Variants in ZDHHC13 observed in about 807,000 individuals in gnomAD.
ZDHHC13 encodes the protein palmitoyltransferase ZDHHC13.
ZDHHC13 carries 85 observed loss-of-function variants against 86.0 expected under a neutral mutation model. That is an observed-to-expected ratio of 0.99 (90% CI 0.83 to 1.18). The LOEUF is 1.18. Ranked by LOEUF, ZDHHC13 falls within the 50% of genes most tolerant of loss-of-function variation. The pLI, the probability that ZDHHC13 is intolerant of heterozygous loss-of-function variation, is 0.00. For missense variants in ZDHHC13, 711 were observed against 730.2 expected (o/e 0.97, Z 0.30); for synonymous variants, 263 against 246.4 (o/e 1.07, Z -0.63).
rs552448985 is a variant in ZDHHC13, at chr11:19,173,919, G to A, written c.1730+1099G>A. Among the ~76,000 whole-genome samples the A allele has an allele frequency of 8.5e-5, 13 of 152,276 alleles. No individual in the cohort carries two copies. In the East Asian group the frequency reaches 2.3e-3, roughly 27 times the overall value. On this transcript the variant is annotated intron_variant, in intron 16 of 16. Transcript: ENST00000446113. ...GGGACACATGAGAGCACTAGAGCAC[G>A]TTTGCTGAATGATGGCAGCATCAAC... is the stretch of plus-strand genomic sequence containing the variant.
In ZDHHC13 at chr11:19,158,562, A is replaced by C. The variant is rs1313302842; in HGVS notation, c.1008-378A>C. 2.0e-5 allele frequency among the ~76,000 whole-genome samples: 3 copies of C among 152,200 alleles called. No homozygotes were observed. The East Asian group carries it at 5.8e-4, about 29-fold the overall frequency. ...TGTAAAGGTGAATCTCAAGTATATA[A>C]ATTTTTGCATTATAGTGTATTTAAA... is the stretch of plus-strand genomic sequence containing the variant. On this transcript the variant is annotated intron_variant, in intron 9 of 16. Transcript: ENST00000446113.
chr11:19,142,813 C>T (rs1315240239), intron 1 of ZDHHC13, among the ~76,000 whole-genome samples, 165 bp from the exon 2 acceptor site: 1 of 151,854 alleles, frequency 6.6e-6, no homozygotes. Context: ...CAGCTTACTA[C>T]AACCTCCGCC....
intron 6 of ZDHHC13, among the ~76,000 whole-genome samples, chr11:19,151,362 T>TA (rs1376675372): frequency 2.0e-5 from 3 of 152,022 alleles, no homozygotes; most frequent in African/African-American, 4.8e-5. Flanking sequence ...GGCAGATACT[T>TA]ACGACAGTTC....
chr11:19,157,653 C>T (rs1174278482), intron 9 of ZDHHC13, among the ~76,000 whole-genome samples: 1 of 152,168 alleles, frequency 6.6e-6, no homozygotes, highest in African/African-American at 2.4e-5. Flanking sequence ...GCCAAATCAC[C>T]AGGGATCAGA....
chr11:19,123,832 T>C (rs1422238513), intron 1 of ZDHHC13, among the ~76,000 whole-genome samples: 1 of 150,534 alleles, frequency 6.6e-6, no homozygotes, highest in Non-Finnish European at 1.5e-5. Context: ...ACTAGGGGAG[T>C]ACAGGTGAAA....
intron 15 of ZDHHC13, among the ~76,000 whole-genome samples, chr11:19,171,190 A>G (rs1342360119): frequency 6.6e-6 from 1 of 152,154 alleles, no homozygotes; most frequent in African/African-American, 2.4e-5. Flanking sequence ...AGAAAGTTCA[A>G]GCTCCAGGGC....
chr11:19,127,050 T>G (rs1848894393), intron 1 of ZDHHC13, among the ~76,000 whole-genome samples: 2 of 152,204 alleles, frequency 1.3e-5, no homozygotes, highest in South Asian at 4.1e-4. Flanking sequence ...CTTTCCACAA[T>G]GAACTAATTT....
chr11:19,130,862 T>C (rs1437230428), intron 1 of ZDHHC13, among the ~76,000 whole-genome samples: 1 of 151,700 alleles, frequency 6.6e-6, no homozygotes, highest in Non-Finnish European at 1.5e-5. Context: ...TTTTTTTTTT[T>C]TGAAAGGGAA....
chr11:19,120,749 T>C (rs1470522200), intron 1 of ZDHHC13, among the ~76,000 whole-genome samples: 1 of 152,212 alleles, frequency 6.6e-6, no homozygotes, highest in Non-Finnish European at 1.5e-5. Context: ...CTTTTTTCCC[T>C]CTTTAAATTT....
At chr11:19,119,294 AT>A (rs977425104) in intron 1 of ZDHHC13, among the ~76,000 whole-genome samples, 2 of 152,064 alleles carry the variant, frequency 1.3e-5, no homozygotes, top group Non-Finnish European at 2.9e-5. Flanking sequence ...GTATAGTAAG[AT>A]GGGGTTTCAC....
At chr11:19,120,192 G>C (rs76162758) in intron 1 of ZDHHC13, among the ~76,000 whole-genome samples, 6,597 of 152,256 alleles carry the variant, frequency 0.043, 252 homozygotes, top group East Asian at 0.21. Context: ...ATAAAACATG[G>C]CTTTGTCATG....
intron 1 of ZDHHC13, among the ~76,000 whole-genome samples, chr11:19,127,069 A>G (rs1360885286): frequency 2.0e-5 from 3 of 152,200 alleles, no homozygotes; most frequent in Non-Finnish European, 1.5e-5. Flanking sequence ...TTTCACTCCC[A>G]TCAACAGTGT....
In ZDHHC13 at chr11:19,147,596, G is replaced by GT; in HGVS notation, c.301dup (p.Tyr101LeufsTer46). On this transcript the variant is annotated frameshift_variant and splice_region_variant, in exon 4 of 17. Coordinates refer to ENST00000446113, the MANE Select transcript of ZDHHC13 (RefSeq NM_019028.3). LOFTEE classifies it high-confidence loss of function. The stretch of plus-strand genomic sequence containing the variant: ...TTTCATTTGTGTCTGCTTTTAACAG[G>GT]TTTTATATTTCAAAAGGTGCTGTTG... The GT allele has an allele frequency of 1.3e-6, 2 of 1,591,036 alleles. No individual in the cohort carries two copies. Among genetic ancestry groups the GT allele is most frequent in the South Asian group, 2.3e-5 (2 of 87,318 alleles).
At chr11:19,167,887 C>T (rs542323617) in intron 14 of ZDHHC13, 1 of 152,368 alleles carries the variant, frequency 6.6e-6, no homozygotes, top group Non-Finnish European at 1.5e-5. Flanking sequence ...CATCATGGCT[C>T]ACTGCAGCCG....
intron 15 of ZDHHC13, among the ~76,000 whole-genome samples, chr11:19,172,409 A>G (rs981406256): frequency 1.3e-5 from 2 of 152,186 alleles, no homozygotes; most frequent in Admixed American, 6.5e-5. Context: ...CAAATCCTTA[A>G]AATAATATGA....
In ZDHHC13 at chr11:19,141,002, A is replaced by T. The variant is rs1849303527; in HGVS notation, c.28-1976A>T. ...AGTGGGTGCAGCGCACCGGCATGGC[A>T]CATGTATACATATGTAACTAACCTG... is the stretch of plus-strand genomic sequence containing the variant. On this transcript the variant is annotated intron_variant, in intron 1 of 16. Transcript: ENST00000446113. 2.0e-5 allele frequency among the ~76,000 whole-genome samples: 3 copies of T among 151,902 alleles called. No individual in the cohort carries two copies. In the South Asian group the frequency reaches 6.2e-4, roughly 32 times the overall value.
chr11:19,149,140 T>C lies in ZDHHC13; in HGVS notation c.375-47T>C, dbSNP rs750635009. 8.5e-6 allele frequency: 12 copies of C among 1,418,490 alleles called. No individual in the cohort carries two copies. The African/African-American group carries it at 1.3e-4, about 15-fold the overall frequency. The allele number at this position is 1,418,490 out of a possible 1,614,324, so 87.9% of individuals were successfully genotyped here. ...GAATATCAGTCTCTCCCTGACTTTT[T>C]GCTTTTTCTGCATGCTACAGAATGG... is the stretch of plus-strand genomic sequence containing the variant. On this transcript the variant is annotated intron_variant, in intron 4 of 16. Transcript: ENST00000446113.
intron 1 of ZDHHC13, among the ~76,000 whole-genome samples, 154 bp from the exon 2 acceptor site, chr11:19,142,824 T>G (rs896140772): frequency 6.6e-6 from 1 of 151,924 alleles, no homozygotes. Flanking sequence ...AACCTCCGCC[T>G]CCTGGGTTCA....
chr11:19,160,023 G>A (rs562967294), intron 10 of ZDHHC13, among the ~76,000 whole-genome samples: 1 of 152,030 alleles, frequency 6.6e-6, no homozygotes, highest in African/African-American at 2.4e-5. Flanking sequence ...TCTCTTTCTG[G>A]TAATAGCATT....
Sources: allele counts gnomAD v4.1 joint callset (sites outside exome capture counted in the v4.1 genomes callset), GRCh38; gene constraint gnomAD v4.1.1; transcripts MANE v1.5; gene names NCBI Gene and HGNC (gene_info 2026-07-23, HGNC 2026-07-21).